The following HOMER2 variants were observed in gnomAD, a reference collection of about 807,000 sequenced individuals.
HOMER2 encodes homer protein homolog 2.
HOMER2 carries 27 observed loss-of-function variants against 47.0 expected under a neutral mutation model. The ratio of observed to expected loss-of-function variants is 0.57; its 90% CI spans 0.42 to 0.79. HOMER2 has a LOEUF of 0.79. Ranked by LOEUF, HOMER2 falls within the 30% of genes least tolerant of loss-of-function variation. The pLI, the probability that HOMER2 is intolerant of heterozygous loss-of-function variation, is 0.00. For synonymous variants in HOMER2, 161 were observed against 163.8 expected (o/e 0.98, Z 0.13); for missense variants, 443 against 435.0 (o/e 1.02, Z -0.16).
At chr15:82,974,100 C>T (rs974871599) in intron 1 of HOMER2, among the ~76,000 whole-genome samples, 1 of 151,358 alleles carries the variant, frequency 6.6e-6, no homozygotes, top group Non-Finnish European at 1.5e-5. Context: ...CAATGTCCTT[C>T]CCACTTAAAA....
intron 1 of HOMER2, among the ~76,000 whole-genome samples, chr15:82,969,382 G>A (rs998415117): frequency 7.9e-5 from 12 of 152,302 alleles, no homozygotes; most frequent in African/African-American, 2.9e-4. Flanking sequence ...CTAGCTGCAC[G>A]TCTTTACCCT....
intron 1 of HOMER2, among the ~76,000 whole-genome samples, chr15:82,894,275 C>T (rs1396388377): frequency 6.6e-6 from 1 of 152,174 alleles, no homozygotes; most frequent in Non-Finnish European, 1.5e-5. Flanking sequence ...ATTTTGTATT[C>T]TAAGCTATCT....
chr15:82,972,799 C>T (rs1046479195), intron 1 of HOMER2, among the ~76,000 whole-genome samples: 1 of 152,198 alleles, frequency 6.6e-6, no homozygotes. Flanking sequence ...GGATAATAAC[C>T]GCAGGTGACG....
intron 1 of HOMER2, among the ~76,000 whole-genome samples, chr15:82,963,112 CTTG>C (rs1465288619): frequency 6.6e-5 from 10 of 152,128 alleles, no homozygotes; most frequent in African/African-American, 2.4e-4. Flanking sequence ...ACCTTGTCTT[CTTG>C]TTGTTGTTGC....
intron 5 of HOMER2, among the ~76,000 whole-genome samples, chr15:82,855,892 G>A (rs762171914): frequency 1.3e-5 from 2 of 152,194 alleles, no homozygotes; most frequent in African/African-American, 2.4e-5. Flanking sequence ...TTCCTTGCTA[G>A]GAGCCCACAC....
At chr15:82,955,922 T>C (rs2054583208), upstream of HOMER2, among the ~76,000 whole-genome samples, 1 of 152,108 alleles carries the variant, frequency 6.6e-6, no homozygotes, top group African/African-American at 2.4e-5. Context: ...TGGTCAGGAA[T>C]GGCCTGTTGA....
At chr15:82,982,839 C>T (rs2057998821) in intron 1 of HOMER2, among the ~76,000 whole-genome samples, 2 of 152,196 alleles carry the variant, frequency 1.3e-5, no homozygotes, top group African/African-American at 4.8e-5. Flanking sequence ...AATTGTCACA[C>T]TGCCCCTCTT....
At chr15:82,842,533 C>T (rs1328327408) in exon 2 of HOMER2, 1 of 144,210 alleles carries the variant, frequency 6.9e-6, no homozygotes, top group Non-Finnish European at 1.5e-5. Flanking sequence ...AGGCTGGTCT[C>T]GAACTCCTGA....
At chr15:82,848,982 A>G (rs2051298124), downstream of HOMER2, 1 of 152,286 alleles carries the variant, frequency 6.6e-6, no homozygotes, top group Non-Finnish European at 1.5e-5. Context: ...CTGTGTACAC[A>G]TTTAATTGAA....
At chr15:82,840,755 A>G (rs1329089594) in exon 2 of HOMER2, 3 of 152,144 alleles carry the variant, frequency 2.0e-5, no homozygotes, top group Non-Finnish European at 4.4e-5. Context: ...TAAATTGCCA[A>G]AAACTTACAG....
intron 1 of HOMER2, among the ~76,000 whole-genome samples, chr15:82,910,696 T>G (rs1260145133): frequency 6.6e-6 from 1 of 152,140 alleles, no homozygotes; most frequent in African/African-American, 2.4e-5. Context: ...TCGGAAGGCG[T>G]GTTTGATGGT....
intron 3 of HOMER2, among the ~76,000 whole-genome samples, chr15:82,865,476 GA>G (rs1003136516): frequency 1.3e-5 from 2 of 150,790 alleles, no homozygotes; most frequent in African/African-American, 4.9e-5. Flanking sequence ...TCCACTTTAG[GA>G]AAAAAAAATC....
At chr15:82,890,634 G>A (rs897749128) in intron 2 of HOMER2, among the ~76,000 whole-genome samples, 15 of 152,166 alleles carry the variant, frequency 9.9e-5, no homozygotes, top group African/African-American at 2.2e-4. Flanking sequence ...GAGCCATAAC[G>A]ACACAGTGGC....
chr15:82,915,065 G>A (rs1173630094), intron 1 of HOMER2, among the ~76,000 whole-genome samples: 1 of 151,762 alleles, frequency 6.6e-6, no homozygotes, highest in East Asian at 1.9e-4. Context: ...CCCAGCTACT[G>A]GGGAGGCTGA....
intron 1 of HOMER2, chr15:82,952,188 G>A: frequency 2.9e-6 from 1 of 344,908 alleles, no homozygotes; most frequent in Non-Finnish European, 4.1e-6. Context: ...CACAGGCCCT[G>A]GAGTTGACTG....
intron 2 of HOMER2, among the ~76,000 whole-genome samples, chr15:82,878,016 G>A (rs1485534457): frequency 3.3e-5 from 5 of 152,160 alleles, no homozygotes; most frequent in African/African-American, 4.8e-5. Context: ...GATGGATCAC[G>A]TGACCCCAGA....
At chr15:82,940,115 G>A (rs2054231280) in intron 1 of HOMER2, among the ~76,000 whole-genome samples, 1 of 152,108 alleles carries the variant, frequency 6.6e-6, no homozygotes. Context: ...TATACCTAAT[G>A]TAAATGACGA....
intron 3 of HOMER2, among the ~76,000 whole-genome samples, chr15:82,872,023 A>G (rs140799711): frequency 3.0e-4 from 46 of 152,330 alleles, no homozygotes; most frequent in Non-Finnish European, 5.7e-4. Context: ...GCACATGACC[A>G]GGACGGGCCT....
intron 1 of HOMER2, among the ~76,000 whole-genome samples, chr15:82,914,930 C>T (rs137949932): frequency 1.7e-3 from 262 of 152,160 alleles, no homozygotes; most frequent in African/African-American, 6.1e-3. Context: ...ACACCTGTAA[C>T]CTTAGCGCCT....
Sources: allele counts gnomAD v4.1 joint callset (sites outside exome capture counted in the v4.1 genomes callset), GRCh38; gene constraint gnomAD v4.1.1; transcripts MANE v1.5; gene names NCBI Gene and HGNC (gene_info 2026-07-23, HGNC 2026-07-21).